Variants in CRYM observed in about 807,000 individuals in gnomAD.
CRYM encodes crystallin mu, also known as ketimine reductase mu-crystallin.
CRYM carries 18 observed loss-of-function variants against 32.9 expected under a neutral mutation model. The ratio of observed to expected loss-of-function variants is 0.55; its 90% CI spans 0.38 to 0.81. CRYM has a LOEUF of 0.81. CRYM is among the 30% of genes least tolerant of loss of function. The pLI, the probability that CRYM is intolerant of heterozygous loss-of-function variation, is 0.00. For missense variants in CRYM, 337 were observed against 393.5 expected (o/e 0.86, Z 1.21); for synonymous variants, 153 against 152.4 (o/e 1.00, Z -0.03).
intron 1 of CRYM, among the ~76,000 whole-genome samples, chr16:21,301,828 C>T (rs1009554432): frequency 6.6e-6 from 1 of 152,158 alleles, no homozygotes. Flanking sequence ...GGAGGAGTCC[C>T]GCCGGGTGGA....
At position 21,258,785 on chromosome 16, in the gene CRYM, T is replaced by G. The variant is rs104894512; in HGVS notation, c.941A>C (p.Lys314Thr). Reference protein sequence around the residue: ...KLIYDSWSSGK With the variant: ...KLIYDSWSSGT ...TCAACATCAAGTTCCTTTGTTTTAT[T>G]TACCAGATGACCAGGAATCATAGAT... Residue 314 changes from lysine (K) to threonine (T), a missense_variant, in exon 8 of 8, where the codon AAA becomes ACA. Coordinates refer to ENST00000572914, the MANE Select transcript of CRYM (RefSeq NM_001376256.1). The G allele has an allele frequency of 1.2e-6, 2 of 1,613,738 alleles. No homozygotes were observed. The highest frequency in any genetic ancestry group is 4.5e-5 in the East Asian group (2 of 44,878).
chr16:21,264,323 C>G (rs902688519), intron 5 of CRYM, among the ~76,000 whole-genome samples: 1 of 152,218 alleles, frequency 6.6e-6, no homozygotes, highest in Non-Finnish European at 1.5e-5. Context: ...GACTATTTCC[C>G]CTGCACAACC....
In CRYM at chr16:21,267,610, A is replaced by G; in HGVS notation, c.617T>C (p.Leu206Pro). 6.2e-7 allele frequency: 1 copy of G among 1,614,188 alleles called. No homozygotes were observed. Among genetic ancestry groups the G allele is most frequent in the Non-Finnish European group, 8.5e-7 (1 of 1,180,022 alleles). The change falls in exon 5 of 8, where the codon CTG becomes CCG. Residue 206 changes from leucine (L) to proline (P), a missense_variant. Leu to Pro is a moderately conservative substitution (Grantham distance 98). Transcript: ENST00000572914. ...ACCAAACAAAATGGGCTCTGTTGCCAGGGTGACTGTGATGATCACATCTGC... is the reference window on the plus strand; with the variant it reads ...ACCAAACAAAATGGGCTCTGTTGCCGGGGTGACTGTGATGATCACATCTGC... ...AGADVIITVT[L>P]ATEPILFGEW...
At chr16:21,280,371 CT>C (rs2093396105), upstream of CRYM, among the ~76,000 whole-genome samples, 1 of 152,074 alleles carries the variant, frequency 6.6e-6, no homozygotes, top group Admixed American at 6.6e-5. Flanking sequence ...CACAGTAAGA[CT>C]TTTTTGGCCC....
At chr16:21,296,462 A>G (rs1960790200) in intron 1 of CRYM, among the ~76,000 whole-genome samples, 1 of 152,222 alleles carries the variant, frequency 6.6e-6, no homozygotes, top group African/African-American at 2.4e-5. Flanking sequence ...ACTAAAACCT[A>G]TCATTCAAGA....
intron 1 of CRYM, among the ~76,000 whole-genome samples, chr16:21,297,262 C>T (rs1366455788): frequency 8.6e-5 from 13 of 151,980 alleles, no homozygotes; most frequent in Non-Finnish European, 1.3e-4. Flanking sequence ...GGCATGGTGG[C>T]ACATGCATGT....
upstream of CRYM, chr16:21,278,537 C>T (rs2093392404): frequency 1.9e-6 from 1 of 539,668 alleles, no homozygotes; most frequent in Non-Finnish European, 3.4e-6. Flanking sequence ...TTTCTCAGTT[C>T]CTGTAATCAG....
Position 21,277,666 on chromosome 16 carries a change from T to C in CRYM, c.171-82A>G. ...GAAAGTATCCATATACTTTCCTTTT[T>C]CTTTCCTTCCTCACCACCCCACTGG... On this transcript the variant is annotated intron_variant, in intron 1 of 7. Transcript: ENST00000572914. The surrounding 1 kb of genome is among the most constrained non-coding windows in gnomAD (Gnocchi z 4.2). The C allele has an allele frequency of 2.6e-6, 4 of 1,533,132 alleles. No individual in the cohort carries two copies. Among genetic ancestry groups the C allele is most frequent in the South Asian group, 2.3e-5 (2 of 87,696 alleles). The allele number at this position is 1,533,132 out of a possible 1,614,324, so 95.0% of individuals were successfully genotyped here.
intron 1 of CRYM, among the ~76,000 whole-genome samples, chr16:21,289,931 T>G (rs1960577833): frequency 6.6e-6 from 1 of 151,806 alleles, no homozygotes; most frequent in African/African-American, 2.4e-5. Context: ...CAATCAGCAC[T>G]CTGTAAAATT....
At chr16:21,290,599 A>G (rs1459485462) in intron 1 of CRYM, among the ~76,000 whole-genome samples, 3 of 152,344 alleles carry the variant, frequency 2.0e-5, no homozygotes, top group African/African-American at 7.2e-5. Context: ...CTTTTTGCTC[A>G]GACTTATAAT....
upstream of CRYM, among the ~76,000 whole-genome samples, chr16:21,281,095 TCTCTCTCTCTCTCA>T (rs1441739119): frequency 1.2e-4 from 16 of 131,272 alleles, no homozygotes; most frequent in South Asian, 3.5e-3. Flanking sequence ...ACAGAGTGAT[TCTCTCTCTCTCTCA>T]CTCTCTCTCT....
intron 1 of CRYM, among the ~76,000 whole-genome samples, chr16:21,285,416 A>G (rs1299145516): frequency 6.6e-6 from 1 of 152,214 alleles, no homozygotes; most frequent in African/African-American, 2.4e-5. Context: ...AGTTCCCAAA[A>G]TATACTGAGG....
intron 1 of CRYM, among the ~76,000 whole-genome samples, chr16:21,302,179 A>G (rs1960963407): frequency 6.6e-6 from 1 of 152,254 alleles, no homozygotes; most frequent in South Asian, 2.1e-4. Context: ...TTTGGAGGCA[A>G]ATGCCTTGTC....
At position 21,261,283 on chromosome 16, in the gene CRYM, C is replaced by A. The variant is rs1381145862; in HGVS notation, c.851G>T (p.Cys284Phe). Residue 284 changes from cysteine to phenylalanine, a missense_variant, in exon 7 of 8, where the codon TGT (cysteine) becomes TTT (phenylalanine). Cys to Phe is a radical substitution (Grantham distance 205, BLOSUM62 -2). Coordinates refer to ENST00000572914, the MANE Select transcript of CRYM (RefSeq NM_001376256.1). ...AGACTTGAACACGGTGGTCTTCTCA[C>A]AGTGGGCTGGTTTCACTCCCTTAAT... ...EVIKGVKPAH[C>F]EKTTVFKSLG... 4.3e-6 allele frequency: 7 copies of A among 1,613,940 alleles called. No homozygotes were observed. Among genetic ancestry groups the A allele is most frequent in the Non-Finnish European group, 5.9e-6 (7 of 1,180,016 alleles).
chr16:21,281,353 T>A (rs1453725481), upstream of CRYM, among the ~76,000 whole-genome samples: 1 of 151,722 alleles, frequency 6.6e-6, no homozygotes, highest in African/African-American at 2.4e-5. Flanking sequence ...GCCTCTCAGG[T>A]AGCTGGGATT....
In CRYM at chr16:21,277,738, G is replaced by A. The variant is rs750610890; in HGVS notation, c.171-154C>T. ...CCTCTGCCCTTCCCTTAGACACTAT[G>A]CACAGTATGTTCAGAAGTCTGGCTC... On this transcript the variant is annotated intron_variant, in intron 1 of 7. Coordinates refer to ENST00000572914, the MANE Select transcript of CRYM (RefSeq NM_001376256.1). This position sits in a 1 kb window ranked among gnomAD's most constrained non-coding sequence, Gnocchi z 4.2. Among the ~76,000 whole-genome samples, 1 of 151,920 alleles carries A rather than the reference G, an allele frequency of 6.6e-6. No individual in the cohort carries two copies. Among genetic ancestry groups the A allele is most frequent in the Non-Finnish European group, 1.5e-5 (1 of 68,000 alleles).
intron 3 of CRYM, among the ~76,000 whole-genome samples, chr16:21,272,025 A>AT (rs775866723): frequency 0.019 from 2,576 of 133,762 alleles, 77 homozygotes; most frequent in East Asian, 0.081. Flanking sequence ...TACTTGGCTA[A>AT]TTTTTTTTTT....
In CRYM at chr16:21,261,294, T is replaced by A. The variant is rs1327796624; in HGVS notation, c.840A>T (p.Lys280Asn). The A allele has an allele frequency of 1.9e-6, 3 of 1,614,042 alleles. No individual in the cohort carries two copies. The change falls in exon 7 of 8, where the codon AAA becomes AAT. Residue 280 changes from lysine (K) to asparagine (N), a missense_variant. Coordinates refer to ENST00000572914, the MANE Select transcript of CRYM (RefSeq NM_001376256.1). ...AELGEVIKGV[K>N]PAHCEKTTVF... The stretch of plus-strand genomic sequence containing the variant: ...CGGTGGTCTTCTCACAGTGGGCTGG[T>A]TTCACTCCCTTAATCACTTCTCCCA...
chr16:21,262,718 C>G (rs1303832189), intron 5 of CRYM, among the ~76,000 whole-genome samples: 1 of 152,186 alleles, frequency 6.6e-6, no homozygotes, highest in Non-Finnish European at 1.5e-5. Context: ...ACATAGCATT[C>G]ATTTACAGGG....
Sources: allele counts gnomAD v4.1 joint callset (sites outside exome capture counted in the v4.1 genomes callset), GRCh38; gene constraint gnomAD v4.1.1; non-coding constraint Gnocchi (gnomAD v3.1); transcripts MANE v1.5; gene names NCBI Gene and HGNC (gene_info 2026-07-23, HGNC 2026-07-21).